The following SLC25A26 variants were observed in gnomAD, a reference collection of about 807,000 sequenced individuals.
The protein encoded by SLC25A26 is mitochondrial S-adenosylmethionine carrier protein.
In SLC25A26, 36 loss-of-function variants were observed where a neutral mutation model predicts 37.8. The ratio of observed to expected loss-of-function variants is 0.95; its 90% CI spans 0.73 to 1.26. The LOEUF (loss-of-function observed/expected upper bound fraction) is 1.26. Ranked by LOEUF, SLC25A26 falls within the 50% of genes most tolerant of loss-of-function variation. The pLI, the probability that SLC25A26 is intolerant of heterozygous loss-of-function variation, is 0.00. For synonymous variants in SLC25A26, 129 were observed against 122.5 expected, an observed-to-expected ratio of 1.05 and a Z score of -0.35; for missense variants, 390 against 331.1, an observed-to-expected ratio of 1.18 and a Z score of -1.38.
intron 3 of SLC25A26, among the ~76,000 whole-genome samples, chr3:66,247,284 C>G (rs1358251787): frequency 6.6e-6 from 1 of 151,502 alleles, no homozygotes; most frequent in East Asian, 1.9e-4. Flanking sequence ...TATATATGCA[C>G]ACACACACAC....
At chr3:66,164,257 C>T (rs951971660) in intron 1 of SLC25A26, among the ~76,000 whole-genome samples, 1 of 152,164 alleles carries the variant, frequency 6.6e-6, no homozygotes, top group African/African-American at 2.4e-5. Flanking sequence ...TTGTAACAAA[C>T]ATCTGGAAGT....
intron 5 of SLC25A26, among the ~76,000 whole-genome samples, chr3:66,266,042 C>A (rs1353211109): frequency 6.6e-6 from 1 of 152,174 alleles, no homozygotes; most frequent in Non-Finnish European, 1.5e-5. Flanking sequence ...ATATGTCCTG[C>A]TAGTAATTAA....
intron 5 of SLC25A26, among the ~76,000 whole-genome samples, chr3:66,282,908 C>G (rs1294293347): frequency 3.3e-5 from 5 of 152,260 alleles, no homozygotes; most frequent in Non-Finnish European, 7.4e-5. Flanking sequence ...ATAGTTTTTT[C>G]TGTTTGAGAA....
intron 1 of SLC25A26, among the ~76,000 whole-genome samples, chr3:66,181,906 G>A (rs1162036798): frequency 1.3e-5 from 2 of 150,096 alleles, no homozygotes; most frequent in Non-Finnish European, 3.0e-5. Context: ...GATGTTGTGT[G>A]TGTGTGCATG....
At chr3:66,320,217 A>G (rs1330946851) in intron 5 of SLC25A26, among the ~76,000 whole-genome samples, 1 of 152,146 alleles carries the variant, frequency 6.6e-6, no homozygotes, top group Non-Finnish European at 1.5e-5. Context: ...AAATGTTTTC[A>G]TCACTCCAGA....
At chr3:66,203,485 A>G (rs2106817308) in intron 1 of SLC25A26, among the ~76,000 whole-genome samples, 1 of 152,322 alleles carries the variant, frequency 6.6e-6, no homozygotes, top group Admixed American at 6.5e-5. Flanking sequence ...GACTAAATAT[A>G]ATTTTAACTT....
intron 3 of SLC25A26, among the ~76,000 whole-genome samples, chr3:66,254,171 A>G (rs1379976001): frequency 6.6e-6 from 1 of 152,178 alleles, no homozygotes; most frequent in Non-Finnish European, 1.5e-5. Flanking sequence ...GTAAGTTAGG[A>G]TTTGTAAATT....
At chr3:66,298,157 A>G (rs1314614097) in intron 5 of SLC25A26, among the ~76,000 whole-genome samples, 1 of 152,228 alleles carries the variant, frequency 6.6e-6, no homozygotes, top group Non-Finnish European at 1.5e-5. Flanking sequence ...ATTCTGATGC[A>G]TTCTGAAGTG....
At chr3:66,184,602 A>C (rs2070784909) in intron 1 of SLC25A26, among the ~76,000 whole-genome samples, 1 of 152,282 alleles carries the variant, frequency 6.6e-6, no homozygotes, top group Admixed American at 6.5e-5. Context: ...CCTTGAGTTT[A>C]CTATGTATTA....
At chr3:66,256,110 C>T (rs546856899) in intron 3 of SLC25A26, among the ~76,000 whole-genome samples, 1 of 152,132 alleles carries the variant, frequency 6.6e-6, no homozygotes, top group Non-Finnish European at 1.5e-5. Flanking sequence ...CACTCTTGAC[C>T]TCTTGAATTG....
At chr3:66,336,331 T>C (rs2076092245) in intron 5 of SLC25A26, among the ~76,000 whole-genome samples, 2 of 152,144 alleles carry the variant, frequency 1.3e-5, no homozygotes, top group African/African-American at 4.8e-5. Flanking sequence ...CTCCCCTCTT[T>C]GTTATCTCAG....
At chr3:66,216,321 G>T (rs2071360879), upstream of SLC25A26, among the ~76,000 whole-genome samples, 1 of 152,112 alleles carries the variant, frequency 6.6e-6, no homozygotes. Context: ...AGACAAGCTT[G>T]GGCAACATGG....
Position 66,243,275 on chromosome 3 carries a change from C to G in SLC25A26, c.263C>G (p.Pro88Arg), listed in dbSNP as rs1409987110. 2.5e-6 allele frequency: 4 copies of G among 1,607,502 alleles called. No homozygotes were observed. Among genetic ancestry groups the G allele is most frequent in the Non-Finnish European group, 3.4e-6 (4 of 1,175,682 alleles). Residue 88 changes from proline to arginine, a missense_variant, in exon 3 of 10, where the codon CCT (proline) becomes CGT (arginine). Physicochemically the swap from Pro to Arg is moderately radical, Grantham distance 103. Coordinates refer to ENST00000354883, the MANE Select transcript of SLC25A26 (RefSeq NM_001379210.1). Reference protein sequence around the residue: ...LHADSSSYLTPMKHMLAASAG... With the variant: ...LHADSSSYLTRMKHMLAASAG... ...GCTGATTCATCTTCATATTTGACAC[C>G]TATGAAACATATGTTGGCTGCCTCT...
intron 3 of SLC25A26, among the ~76,000 whole-genome samples, chr3:66,245,724 A>G (rs1052698756): frequency 1.3e-5 from 2 of 152,210 alleles, no homozygotes; most frequent in Non-Finnish European, 2.9e-5. Flanking sequence ...TTGTTTAAGA[A>G]TAAGTGAACT....
intron 1 of SLC25A26, among the ~76,000 whole-genome samples, chr3:66,174,978 C>G (rs183584980): frequency 3.3e-5 from 5 of 151,362 alleles, no homozygotes; most frequent in Non-Finnish European, 7.4e-5. Flanking sequence ...AAATGAAGCC[C>G]AACTGGTACA....
intron 5 of SLC25A26, among the ~76,000 whole-genome samples, chr3:66,272,289 A>C (rs897757136): frequency 1.3e-5 from 2 of 152,094 alleles, no homozygotes; most frequent in Non-Finnish European, 1.5e-5. Context: ...GAATCCATGA[A>C]CTTAACCTTT....
intron 7 of SLC25A26, among the ~76,000 whole-genome samples, chr3:66,367,834 A>G (rs1237971517): frequency 2.0e-5 from 3 of 152,196 alleles, no homozygotes; most frequent in African/African-American, 4.8e-5. Context: ...CAAGTCCACA[A>G]AAATTTAAAA....
intron 1 of SLC25A26, among the ~76,000 whole-genome samples, chr3:66,198,606 C>A (rs1289777605): frequency 6.6e-6 from 1 of 151,866 alleles, no homozygotes; most frequent in Non-Finnish European, 1.5e-5. Flanking sequence ...CACCCAGACA[C>A]TCACCCTCAC....
chr3:66,235,236 A>G (rs1030116993), intron 1 of SLC25A26, among the ~76,000 whole-genome samples: 1 of 152,166 alleles, frequency 6.6e-6, no homozygotes, highest in Admixed American at 6.5e-5. Context: ...TATTTTGTCA[A>G]TTTCTGTTTT....
Sources: gnomAD v4.1 joint callset for allele counts (sites outside exome capture counted in the v4.1 genomes callset) on GRCh38, gnomAD v4.1.1 for gene constraint, MANE v1.5 for transcripts, NCBI Gene and HGNC (gene_info 2026-07-23, HGNC 2026-07-21) for gene names.